TENM3: variants seen among roughly 807,000 people sequenced by gnomAD.
TENM3 encodes teneurin-3.
Under a neutral mutation model 255.1 loss-of-function variants are expected in TENM3, and 63 were observed. That is an observed-to-expected ratio of 0.25 (90% CI 0.20 to 0.30). TENM3 has a LOEUF of 0.30. TENM3 is among the 10% of genes least tolerant of loss of function. The probability of loss-of-function intolerance (pLI) is 1.00; values close to 1 mark genes in which losing one functional copy is unlikely to be tolerated. For missense variants in TENM3, 2,929 were observed against 3,461.1 expected, an observed-to-expected ratio of 0.85 and a Z score of 3.86; for synonymous variants, 1,306 against 1,322.3, an observed-to-expected ratio of 0.99 and a Z score of 0.27.
Position 182,731,157 on chromosome 4 carries a change from G to A in TENM3, c.2967+18G>A. 3.1e-6 allele frequency: 5 copies of A among 1,608,408 alleles called. No individual in the cohort carries two copies. The highest frequency in any genetic ancestry group is 2.2e-5 in the East Asian group (1 of 44,846). Reference sequence around the variant, plus strand: ...AAACACAGGTAAAATATTCTCACAGGCAGTACTTGTAAATACAAGATCTTC... The same window carrying A: ...AAACACAGGTAAAATATTCTCACAGACAGTACTTGTAAATACAAGATCTTC... On this transcript the variant is annotated intron_variant, in intron 16 of 27. Coordinates refer to ENST00000511685, the MANE Select transcript of TENM3 (RefSeq NM_001080477.4).
the TENM3 span, among the ~76,000 whole-genome samples, chr4:181,480,095 G>A: frequency 6.6e-6 from 1 of 152,084 alleles, no homozygotes; most frequent in Non-Finnish European, 1.5e-5. Flanking sequence ...TCAGCTGTGA[G>A]TTTATGTGCA....
At chr4:182,398,716 C>G (rs1189860508) in intron 3 of TENM3, among the ~76,000 whole-genome samples, 1 of 152,136 alleles carries the variant, frequency 6.6e-6, no homozygotes. Context: ...TTGCTGATAG[C>G]CAATTGGCCA....
the TENM3 span, among the ~76,000 whole-genome samples, chr4:181,639,569 G>A: frequency 2.5e-4 from 38 of 152,028 alleles, no homozygotes; most frequent in Non-Finnish European, 4.6e-4. Flanking sequence ...GTGAAACCCC[G>A]TCTCTACTAA....
the TENM3 span, among the ~76,000 whole-genome samples, chr4:181,680,141 A>G: frequency 6.6e-6 from 1 of 151,852 alleles, no homozygotes; most frequent in Admixed American, 6.6e-5. Flanking sequence ...GTGAAGGTAA[A>G]CCCTTTGCCG....
chr4:182,081,471 C>G, the TENM3 span, among the ~76,000 whole-genome samples: 1 of 151,510 alleles, frequency 6.6e-6, no homozygotes, highest in Admixed American at 6.6e-5. Flanking sequence ...GTAGTCCCAG[C>G]TACTCGGGAG....
At chr4:182,742,384 C>T (rs1314261372) in intron 18 of TENM3, among the ~76,000 whole-genome samples, 1 of 152,198 alleles carries the variant, frequency 6.6e-6, no homozygotes, top group Non-Finnish European at 1.5e-5. Context: ...GTAAATAATA[C>T]ATTGGCCTTC....
the TENM3 span, among the ~76,000 whole-genome samples, chr4:181,779,834 G>A: frequency 6.6e-5 from 10 of 151,988 alleles, no homozygotes; most frequent in Non-Finnish European, 1.3e-4. Context: ...TCCCCTTCCT[G>A]TGTCCAAGTG....
At chr4:181,935,214 A>G in the TENM3 span, among the ~76,000 whole-genome samples, 2 of 152,238 alleles carry the variant, frequency 1.3e-5, no homozygotes, top group African/African-American at 4.8e-5. Flanking sequence ...AACATTTGTG[A>G]TTGTTTTCAA....
intron 2 of TENM3, among the ~76,000 whole-genome samples, chr4:182,335,447 A>G (rs1416925338): frequency 2.4e-5 from 3 of 125,088 alleles, no homozygotes; most frequent in Non-Finnish European, 3.3e-5. Context: ...GTGAGCCGAG[A>G]TCGCGCCACC....
At chr4:181,745,576 C>T in the TENM3 span, among the ~76,000 whole-genome samples, 1 of 152,158 alleles carries the variant, frequency 6.6e-6, no homozygotes, top group Non-Finnish European at 1.5e-5. Context: ...AGCAAGACTG[C>T]AGGCTGAGCC....
At chr4:181,564,040 C>CTTTTTTTT in the TENM3 span, among the ~76,000 whole-genome samples, 1 of 79,792 alleles carries the variant, frequency 1.3e-5, no homozygotes, top group African/African-American at 5.4e-5. Context: ...TTTCTTTTTT[C>CTTTTTTTT]TTTTTTTTTT....
At chr4:181,802,705 A>T in the TENM3 span, among the ~76,000 whole-genome samples, 11 of 152,094 alleles carry the variant, frequency 7.2e-5, no homozygotes, top group African/African-American at 2.7e-4. Context: ...TTATCTGTTT[A>T]TACCTTTGTG....
At chr4:182,521,954 A>G (rs1738623341) in intron 3 of TENM3, among the ~76,000 whole-genome samples, 1 of 152,222 alleles carries the variant, frequency 6.6e-6, no homozygotes, top group South Asian at 2.1e-4. Flanking sequence ...TAGAAAAATC[A>G]TTCAGAAAAG....
At chr4:181,716,712 A>G in the TENM3 span, among the ~76,000 whole-genome samples, 1 of 152,234 alleles carries the variant, frequency 6.6e-6, no homozygotes, top group African/African-American at 2.4e-5. Context: ...CTCAGAACTG[A>G]CACAAAGTAA....
At chr4:181,807,252 T>C in the TENM3 span, among the ~76,000 whole-genome samples, 1 of 152,226 alleles carries the variant, frequency 6.6e-6, no homozygotes, top group South Asian at 2.1e-4. Flanking sequence ...GTTTGAACAA[T>C]AGCGTATCTT....
At chr4:181,479,388 T>C in the TENM3 span, among the ~76,000 whole-genome samples, 1 of 152,192 alleles carries the variant, frequency 6.6e-6, no homozygotes, top group African/African-American at 2.4e-5. Flanking sequence ...AGCATGGCTG[T>C]GAAAACTAGG....
chr4:181,709,915 C>G, the TENM3 span, among the ~76,000 whole-genome samples: 3 of 152,052 alleles, frequency 2.0e-5, no homozygotes, highest in African/African-American at 7.2e-5. Flanking sequence ...AAGAGCAGTG[C>G]CCTTTCCTGA....
intron 12 of TENM3, among the ~76,000 whole-genome samples, chr4:182,691,012 C>G (rs959906891): frequency 4.6e-5 from 7 of 152,216 alleles, no homozygotes; most frequent in Non-Finnish European, 7.3e-5. Context: ...TTAAAGCATT[C>G]TGCTCTTTTA....
At chr4:181,580,560 C>T in the TENM3 span, among the ~76,000 whole-genome samples, 1 of 152,128 alleles carries the variant, frequency 6.6e-6, no homozygotes, top group African/African-American at 2.4e-5. Context: ...AGAAGTGGGG[C>T]CCCCAGCACC....
Sources: allele counts gnomAD v4.1 joint callset (sites outside exome capture counted in the v4.1 genomes callset), GRCh38; gene constraint gnomAD v4.1.1; transcripts MANE v1.5; gene names NCBI Gene and HGNC (gene_info 2026-07-23, HGNC 2026-07-21).